The following KIAA1217 variants were observed in gnomAD, a reference collection of about 807,000 sequenced individuals.
KIAA1217 encodes sickle tail protein homolog.
In KIAA1217, 88 loss-of-function variants were observed where a neutral mutation model predicts 163.9. The ratio of observed to expected loss-of-function variants is 0.54; its 90% confidence interval spans 0.45 to 0.64. KIAA1217 has a LOEUF of 0.64. KIAA1217 is among the 30% of genes least tolerant of loss of function. KIAA1217 has a pLI of 0.00. For missense variants in KIAA1217, 2,372 were observed against 2,475.0 expected, an observed-to-expected ratio of 0.96 and a Z score of 0.88; for synonymous variants, 903 against 923.1, an observed-to-expected ratio of 0.98 and a Z score of 0.39.
chr10:23,956,109 T>C (rs576100468), intron 1 of KIAA1217, among the ~76,000 whole-genome samples: 24 of 152,278 alleles, frequency 1.6e-4, no homozygotes, highest in African/African-American at 5.8e-4. Flanking sequence ...CAAATAACTC[T>C]CAAAGTTCTT....
At chr10:23,871,175 G>A (rs768091623) in intron 1 of KIAA1217, among the ~76,000 whole-genome samples, 20 of 152,030 alleles carry the variant, frequency 1.3e-4, no homozygotes, top group Non-Finnish European at 2.6e-4. Flanking sequence ...TTCATCTATA[G>A]TGTGGCCTCC....
At chr10:24,428,860 TAA>T (rs199778608) in intron 3 of KIAA1217, among the ~76,000 whole-genome samples, 71 of 114,560 alleles carry the variant, frequency 6.2e-4, no homozygotes, top group East Asian at 1.9e-3. Context: ...TCTTTAAAGA[TAA>T]AAAAAAAAAA....
chr10:24,085,984 G>T (rs901578452), intron 2 of KIAA1217, among the ~76,000 whole-genome samples: 1 of 146,698 alleles, frequency 6.8e-6, no homozygotes, highest in Admixed American at 6.7e-5. Flanking sequence ...AAAAAAAAAA[G>T]TGTTTGTTGA....
At chr10:24,214,211 G>C (rs1240762974) in intron 1 of KIAA1217, among the ~76,000 whole-genome samples, 1 of 152,158 alleles carries the variant, frequency 6.6e-6, no homozygotes, top group Non-Finnish European at 1.5e-5. Context: ...GGATGCTGTA[G>C]GATTCTGCGG....
chr10:23,713,081 T>G (rs7920848), intron 1 of KIAA1217, among the ~76,000 whole-genome samples: 3,023 of 152,062 alleles, frequency 0.02, 114 homozygotes, highest in African/African-American at 0.069. Context: ...GGAAAAGAGC[T>G]GGGGAGGAGT....
chr10:23,937,631 G>A (rs147999058), intron 1 of KIAA1217, among the ~76,000 whole-genome samples: 3,209 of 152,182 alleles, frequency 0.021, 62 homozygotes, highest in Admixed American at 0.063. Flanking sequence ...TCCATAGAAC[G>A]GCCCATTAGT....
intron 2 of KIAA1217, among the ~76,000 whole-genome samples, chr10:24,337,022 C>T (rs2046430080): frequency 1.3e-5 from 2 of 152,086 alleles, no homozygotes; most frequent in South Asian, 4.1e-4. Flanking sequence ...ATAGATATGA[C>T]AACAAAACAC....
intron 1 of KIAA1217, among the ~76,000 whole-genome samples, chr10:23,806,020 A>G (rs997872570): frequency 1.0e-4 from 15 of 149,548 alleles, no homozygotes; most frequent in East Asian, 3.9e-4. Context: ...AAAAAAAAAA[A>G]AAAAGAAAAG....
intron 5 of KIAA1217, among the ~76,000 whole-genome samples, chr10:24,470,383 G>A (rs1370380953): frequency 6.6e-6 from 1 of 152,212 alleles, no homozygotes; most frequent in African/African-American, 2.4e-5. Flanking sequence ...CTGAGCACCT[G>A]AGTCATGAGG....
At chr10:23,828,519 T>C (rs1013071934) in intron 1 of KIAA1217, among the ~76,000 whole-genome samples, 2 of 152,190 alleles carry the variant, frequency 1.3e-5, no homozygotes, top group Non-Finnish European at 1.5e-5. Context: ...AAATTGGCTT[T>C]GGTAGCCTAA....
intron 5 of KIAA1217, chr10:24,449,303 C>T (rs1592035052): frequency 4.6e-6 from 1 of 216,806 alleles, no homozygotes; most frequent in Middle Eastern, 2.3e-3. Flanking sequence ...TGCTGCGTGG[C>T]TGCTTGCTTT....
chr10:24,416,465 C>T (rs1198743169), intron 3 of KIAA1217, among the ~76,000 whole-genome samples: 1 of 152,182 alleles, frequency 6.6e-6, no homozygotes, highest in Non-Finnish European at 1.5e-5. Context: ...GGAAACACCC[C>T]TTGTCTTTCT....
chr10:24,072,362 G>A (rs1057076718), intron 2 of KIAA1217, among the ~76,000 whole-genome samples: 1 of 151,960 alleles, frequency 6.6e-6, no homozygotes. Flanking sequence ...AAGTTCCAGA[G>A]GACAGATAAC....
At chr10:24,126,222 C>T (rs1432756099) in intron 2 of KIAA1217, among the ~76,000 whole-genome samples, 1 of 152,150 alleles carries the variant, frequency 6.6e-6, no homozygotes, top group African/African-American at 2.4e-5. Flanking sequence ...TCTTATACAA[C>T]TGCATTCTAA....
intron 1 of KIAA1217, among the ~76,000 whole-genome samples, chr10:24,216,464 A>G (rs1305096084): frequency 6.6e-6 from 1 of 152,154 alleles, no homozygotes; most frequent in Non-Finnish European, 1.5e-5. Flanking sequence ...TAATTCATCT[A>G]GCTGTCCTGG....
intron 1 of KIAA1217, among the ~76,000 whole-genome samples, chr10:23,867,720 T>G (rs1227342224): frequency 6.6e-6 from 1 of 152,150 alleles, no homozygotes; most frequent in East Asian, 1.9e-4. Flanking sequence ...TCTTGTAAAT[T>G]TGTTTGAGTT....
At chr10:23,705,035 C>T (rs904764206) in intron 1 of KIAA1217, among the ~76,000 whole-genome samples, 1 of 152,100 alleles carries the variant, frequency 6.6e-6, no homozygotes, top group African/African-American at 2.4e-5. Context: ...TTGCATTTCG[C>T]TAATGACTAA....
chr10:24,192,989 A>G (rs3858210), intron 2 of KIAA1217, among the ~76,000 whole-genome samples: 104,876 of 151,890 alleles, frequency 0.69, 36,754 homozygotes, highest in Middle Eastern at 0.82. Context: ...GCTATGTTGC[A>G]CAGGCTGGTC....
intron 17 of KIAA1217, 41 bp from the exon 18 acceptor site, chr10:24,542,652 T>C: frequency 6.3e-7 from 1 of 1,597,170 alleles, no homozygotes; most frequent in Non-Finnish European, 8.6e-7. Flanking sequence ...TTTGGGGGGA[T>C]GTGGTTTTGT....
Sources: allele counts gnomAD v4.1 joint callset (sites outside exome capture counted in the v4.1 genomes callset), GRCh38; gene constraint gnomAD v4.1.1; transcripts MANE v1.5; gene names NCBI Gene and HGNC (gene_info 2026-07-23, HGNC 2026-07-21).